Variants in RAD54L2 observed in about 807,000 individuals in gnomAD.
RAD54L2 encodes the protein RAD54 like 2, also known as helicase ARIP4.
Under a neutral mutation model 138.4 loss-of-function variants are expected in RAD54L2, and 27 were observed. The observed-to-expected ratio is 0.20, with a 90% CI of 0.14 to 0.27. The LOEUF is 0.27. Ranked by LOEUF, RAD54L2 falls within the 10% of genes least tolerant of loss-of-function variation. The probability of loss-of-function intolerance (pLI) is 1.00; values close to 1 mark genes in which losing one functional copy is unlikely to be tolerated. For synonymous variants in RAD54L2, 644 were observed against 723.2 expected, an observed-to-expected ratio of 0.89 and a Z score of 1.76; for missense variants, 1,396 against 1,890.2, an observed-to-expected ratio of 0.74 and a Z score of 4.85.
chr3:51,631,867 C>T (rs1700852744), intron 7 of RAD54L2, among the ~76,000 whole-genome samples: 1 of 152,188 alleles, frequency 6.6e-6, no homozygotes, highest in African/African-American at 2.4e-5. Flanking sequence ...GTCCTGAGCT[C>T]AAGCAGTCCT....
chr3:51,556,714 T>C (rs1698976221), intron 2 of RAD54L2, among the ~76,000 whole-genome samples: 1 of 152,108 alleles, frequency 6.6e-6, no homozygotes, highest in African/African-American at 2.4e-5. Flanking sequence ...GTAGCTGGGA[T>C]TACAGCCATG....
intron 20 of RAD54L2, among the ~76,000 whole-genome samples, chr3:51,657,364 G>C (rs1701629464): frequency 6.6e-6 from 1 of 152,188 alleles, no homozygotes; most frequent in Admixed American, 6.5e-5. Flanking sequence ...GACCAGCTCA[G>C]ATTTCTGACA....
chr3:51,634,401 G>A lies in RAD54L2; in HGVS notation c.1142+366G>A, dbSNP rs559345673. 7.3e-5 allele frequency among the ~76,000 whole-genome samples: 5 copies of A among 68,404 alleles called. No individual in the cohort carries two copies. In the South Asian group the frequency reaches 2.5e-3, roughly 34 times the overall value. 44.9% of individuals were successfully genotyped at this position (68,404 alleles called of 152,430 possible). On this transcript the variant is annotated intron_variant, in intron 9 of 22. Coordinates refer to ENST00000684192, the MANE Select transcript of RAD54L2 (RefSeq NM_015106.4). ...TTTTTTTTTTTTGAGACGGAGTCTT[G>A]TTCTGTCACCCAGGCTGGAGTGCAG...
At chr3:51,644,378 G>A (rs780097627) in intron 16 of RAD54L2, among the ~76,000 whole-genome samples, 2 of 152,176 alleles carry the variant, frequency 1.3e-5, no homozygotes, top group Non-Finnish European at 2.9e-5. Context: ...CTGAGAGGTC[G>A]AAGCTGCAGT....
At chr3:51,655,580 CAACTT>C (rs1232365876) in intron 19 of RAD54L2, among the ~76,000 whole-genome samples, 1 of 152,174 alleles carries the variant, frequency 6.6e-6, no homozygotes, top group African/African-American at 2.4e-5. Context: ...CTGCCCATCT[CAACTT>C]AACATACGCT....
At chr3:51,649,929 A>G (rs1385385509) in intron 19 of RAD54L2, among the ~76,000 whole-genome samples, 1 of 150,272 alleles carries the variant, frequency 6.7e-6, no homozygotes, top group African/African-American at 2.4e-5. Context: ...AAATTCACAC[A>G]TAACAATATT....
chr3:51,547,944 T>G (rs1698738757), intron 2 of RAD54L2, among the ~76,000 whole-genome samples: 1 of 152,212 alleles, frequency 6.6e-6, no homozygotes, highest in South Asian at 2.1e-4. Flanking sequence ...CAGGATGGAG[T>G]GCAGTGGTAC....
chr3:51,627,812 T>C (rs1012442936), intron 4 of RAD54L2, 58 bp downstream of exon 4: 2 of 1,576,946 alleles, frequency 1.3e-6, no homozygotes, highest in African/African-American at 2.7e-5. Flanking sequence ...ACCTTCATCT[T>C]AAGGCTGTCA....
intron 21 of RAD54L2, among the ~76,000 whole-genome samples, chr3:51,659,322 G>A (rs953376068): frequency 6.6e-6 from 1 of 151,958 alleles, no homozygotes; most frequent in Non-Finnish European, 1.5e-5. Context: ...AGCCAGGATG[G>A]TCTCAATCTC....
At chr3:51,644,208 C>T (rs1425921792) in intron 16 of RAD54L2, among the ~76,000 whole-genome samples, 1 of 152,108 alleles carries the variant, frequency 6.6e-6, no homozygotes, top group East Asian at 1.9e-4. Flanking sequence ...GCCTGTAACC[C>T]CAGCACTTTG....
intron 4 of RAD54L2, among the ~76,000 whole-genome samples, chr3:51,628,698 T>G (rs531060600): frequency 6.6e-6 from 1 of 151,872 alleles, no homozygotes; most frequent in South Asian, 2.1e-4. Context: ...CCAATCCTAA[T>G]TTCTTTTCTA....
chr3:51,666,837 G>A lies in RAD54L2; in HGVS notation c.*3417G>A, dbSNP rs868591607. On this transcript the variant is annotated 3_prime_UTR_variant, in exon 23 of 23. Transcript: ENST00000684192. ...TAGTGTGTGGAGTCTCTATATGCTT[G>A]TGATCCTTGGAGCTCTCTTCCCTAG... The A allele has an allele frequency of 6.6e-6, 1 of 152,000 alleles. No homozygotes were observed. Among genetic ancestry groups the A allele is most frequent in the Non-Finnish European group, 1.5e-5 (1 of 68,016 alleles). The allele number at this position is 152,000 out of a possible 1,614,324, so 9.4% of individuals were successfully genotyped here.
chr3:51,630,304 C>A lies in RAD54L2; in HGVS notation c.514C>A (p.Gln172Lys). 1.2e-6 allele frequency: 2 copies of A among 1,614,010 alleles called. No homozygotes were observed. Among genetic ancestry groups the A allele is most frequent in the Non-Finnish European group, 1.7e-6 (2 of 1,179,884 alleles). ...EIALRASDGP[Q>K]LPPRVLAQEV... ...TGCTTTAAGGGCAAGTGACGGTCCC[C>A]AACTGCCTCCTCGGGTCTTGGCCCA... The change falls in exon 6 of 23, where the codon CAA (glutamine) becomes AAA (lysine). Residue 172 changes from glutamine (Q) to lysine (K), a missense_variant. Gln to Lys is a moderately conservative substitution (Grantham distance 53). Transcript: ENST00000684192.
chr3:51,630,522 G>GGT lies in RAD54L2; in HGVS notation c.598+135_598+136dup, dbSNP rs1158799311. 4.4e-5 allele frequency: 44 copies of GGT among 1,000,064 alleles called. No individual in the cohort carries two copies. The African/African-American group carries it at 5.6e-4, about 13-fold the overall frequency. 61.9% of individuals were successfully genotyped at this position (1,000,064 alleles called of 1,614,324 possible). A position where few individuals can be genotyped will look rare whatever the true frequency, so the allele number is the denominator to read the frequency against. On this transcript the variant is annotated intron_variant, in intron 6 of 22. Coordinates refer to ENST00000684192, the MANE Select transcript of RAD54L2 (RefSeq NM_015106.4). ...TTGACTAATTTCCCTGTGTCTCCTT[G>GGT]GTAAATATAAGTTTTTTGCTTGTCT...
chr3:51,556,170 G>A (rs1450675248), intron 2 of RAD54L2, among the ~76,000 whole-genome samples: 1 of 152,056 alleles, frequency 6.6e-6, no homozygotes, highest in African/African-American at 2.4e-5. Flanking sequence ...GCTTAGCTCT[G>A]TGCCTCTCAT....
At chr3:51,614,669 T>C (rs1022885871) in intron 3 of RAD54L2, among the ~76,000 whole-genome samples, 13 of 152,136 alleles carry the variant, frequency 8.5e-5, no homozygotes, top group African/African-American at 1.2e-4. Context: ...TGTGCCACCA[T>C]ATCGGGCTAA....
chr3:51,632,192 ATAGGCACCACATT>A (rs1700862507), intron 7 of RAD54L2, among the ~76,000 whole-genome samples: 1 of 152,238 alleles, frequency 6.6e-6, no homozygotes, highest in Non-Finnish European at 1.5e-5. Flanking sequence ...TCCATTGTGC[ATAGGCACCACATT>A]TTCTTTATCC....
intron 3 of RAD54L2, among the ~76,000 whole-genome samples, chr3:51,595,936 C>CTTT (rs200140512): frequency 7.8e-6 from 1 of 128,300 alleles, no homozygotes; most frequent in Admixed American, 8.1e-5. Flanking sequence ...ATTCAGTCTT[C>CTTT]TTTTTTTTTT....
intron 2 of RAD54L2, among the ~76,000 whole-genome samples, chr3:51,562,327 G>C (rs765644585): frequency 6.6e-6 from 1 of 152,020 alleles, no homozygotes; most frequent in African/African-American, 2.4e-5. Flanking sequence ...CACCTCCTGG[G>C]TTCAAGCAAT....
Sources: allele counts gnomAD v4.1 joint callset (sites outside exome capture counted in the v4.1 genomes callset), GRCh38; gene constraint gnomAD v4.1.1; transcripts MANE v1.5; gene names NCBI Gene and HGNC (gene_info 2026-07-23, HGNC 2026-07-21).